The following TRPM1 variants were observed in gnomAD, a reference collection of about 807,000 sequenced individuals.
TRPM1 encodes transient receptor potential cation channel subfamily M member 1, also known as TRPM1-203 APA Isoform, Intron 10.
Under a neutral mutation model 149.4 loss-of-function variants are expected in TRPM1, and 113 were observed. That is an observed-to-expected ratio of 0.76 (90% CI 0.65 to 0.88). TRPM1 has a LOEUF of 0.88. Ranked by LOEUF, TRPM1 falls within the 40% of genes least tolerant of loss-of-function variation. TRPM1 has a pLI of 0.00. For synonymous variants in TRPM1, 741 were observed against 759.5 expected (o/e 0.98, Z 0.40); for missense variants, 1,976 against 2,038.7 (o/e 0.97, Z 0.59).
chr15:31,003,036 T>C lies in TRPM1; in HGVS notation c.3664A>G (p.Asn1222Asp). 1 of 1,599,882 alleles carries C rather than the reference T, an allele frequency of 6.3e-7. No homozygotes were observed. The highest frequency in any genetic ancestry group is 8.5e-7 in the Non-Finnish European group (1 of 1,176,126). The change falls in exon 28 of 28, where the codon AAT becomes GAT. Residue 1222 changes from asparagine (N) to aspartate (D), a missense_variant. By Grantham distance (23) the Asn-to-Asp change is conservative (BLOSUM62 1). Around this residue, in one of 3 missense-constraint regions of TRPM1, gnomAD observed 572 missense variants for 578.9 expected, o/e 0.99. Transcript: ENST00000256552. ...ENMSMRLEEI[N>D]ERETFMKTSL... ...GTTTTCATAAAAGTTTCTCTTTCAT[T>C]GATTTCTTCCAACCTCATTGACATA...
At chr15:31,092,040 A>G (rs1487052503) in intron 1 of TRPM1, among the ~76,000 whole-genome samples, 1 of 148,000 alleles carries the variant, frequency 6.8e-6, no homozygotes, top group East Asian at 2.1e-4. Flanking sequence ...CCAAGCCCCC[A>G]TAAAGTGGTC....
Position 31,049,409 on chromosome 15 carries a change from A to G in TRPM1, c.1538T>C (p.Leu513Pro), listed in dbSNP as rs1269575643. Residue 513 changes from leucine to proline, a missense_variant, in exon 13 of 28, where the codon CTG becomes CCG. Coordinates refer to ENST00000256552, the MANE Select transcript of TRPM1 (RefSeq NM_001252024.2). ...AAGCTCCTCCAGCCTCGGAATGGTC[A>G]GAAAGTGTTGCATGTTCACTCCGTT... ...IENGVNMQHF[L>P]TIPRLEELYN... 3 of 1,614,104 alleles carry G rather than the reference A, an allele frequency of 1.9e-6. No individual in the cohort carries two copies. In the African/African-American group the frequency reaches 4.0e-5, roughly 22 times the overall value.
At chr15:31,140,551 C>T (rs879556120) in intron 1 of TRPM1, among the ~76,000 whole-genome samples, 13 of 152,134 alleles carry the variant, frequency 8.5e-5, no homozygotes, top group Middle Eastern at 3.2e-3. Context: ...AGTTCCCTCA[C>T]GAGTTGGTTG....
intron 7 of TRPM1, among the ~76,000 whole-genome samples, chr15:31,065,505 G>A (rs1211622884): frequency 1.3e-5 from 2 of 152,238 alleles, no homozygotes; most frequent in East Asian, 1.9e-4. Flanking sequence ...GTTTCTTCTG[G>A]TTGAGGTTTG....
Position 31,145,635 on chromosome 15 carries a change from A to T in TRPM1, c.54+15271T>A, listed in dbSNP as rs1376358909. On this transcript the variant is annotated intron_variant, in intron 1 of 26. Coordinates refer to the TRPM1 transcript ENST00000542188. ...CTACTCCTGGGAAGCTAGATGTTAGAATTGCTATGTAACAACGGAACAGGG... is the reference window on the plus strand; with the variant it reads ...CTACTCCTGGGAAGCTAGATGTTAGTATTGCTATGTAACAACGGAACAGGG... Among the ~76,000 whole-genome samples, 29 of 152,204 alleles carry T rather than the reference A, an allele frequency of 1.9e-4. 1 individual carries two copies. Among genetic ancestry groups the T allele is most frequent in the Non-Finnish European group, 7.3e-5 (5 of 68,030 alleles).
Position 31,035,532 on chromosome 15 carries a change from T to G in TRPM1, c.2700+14A>C, listed in dbSNP as rs754250835. ...AGCGGTTAGTGGGCTGGGGGAGGCC[T>G]TTGGAGTAGCCACCTCTCGTATCTT... On this transcript the variant is annotated intron_variant, in intron 21 of 27. Transcript: ENST00000256552. The G allele has an allele frequency of 1.9e-6, 3 of 1,613,916 alleles. No individual in the cohort carries two copies. Among genetic ancestry groups the G allele is most frequent in the Admixed American group, 1.7e-5 (1 of 59,988 alleles).
chr15:31,015,477 C>G (rs1329158406), intron 27 of TRPM1, among the ~76,000 whole-genome samples: 5 of 151,556 alleles, frequency 3.3e-5, no homozygotes, highest in Non-Finnish European at 7.4e-5. Flanking sequence ...GTACCCCAAG[C>G]TGATAAAGCA....
Position 31,042,092 on chromosome 15 carries a change from A to G in TRPM1, c.1946T>C (p.Met649Thr). The G allele has an allele frequency of 6.2e-7, 1 of 1,614,052 alleles. No homozygotes were observed. The highest frequency in any genetic ancestry group is 1.7e-5 in the Admixed American group (1 of 60,018). ...CCCTCGCTGCCAGAGGAACACTGCCATTTTCTGGCGTTTCATCAGCACTGC... is the reference window on the plus strand; with the variant it reads ...CCCTCGCTGCCAGAGGAACACTGCCGTTTTCTGGCGTTTCATCAGCACTGC... ...VWAVLMKRQK[M>T]AVFLWQRGEE... is the part of the protein sequence containing the mutation. Residue 649 changes from methionine to threonine, a missense_variant, in exon 17 of 28, where the codon ATG (methionine) becomes ACG (threonine). Met to Thr is a moderately conservative substitution (Grantham distance 81). Transcript: ENST00000256552.
At chr15:31,027,855 T>G (rs547426499) in intron 25 of TRPM1, among the ~76,000 whole-genome samples, 3 of 152,346 alleles carry the variant, frequency 2.0e-5, no homozygotes, top group African/African-American at 7.2e-5. Flanking sequence ...TAGGCAGGTT[T>G]TATAAGAAAC....
chr15:31,072,492 A>T (rs894604740), intron 3 of TRPM1, among the ~76,000 whole-genome samples: 1 of 152,134 alleles, frequency 6.6e-6, no homozygotes, highest in Non-Finnish European at 1.5e-5. Context: ...TATTTATGTA[A>T]CAAGTTTTTG....
intron 1 of TRPM1, among the ~76,000 whole-genome samples, chr15:31,088,505 C>T (rs922566070): frequency 5.9e-5 from 9 of 152,276 alleles, no homozygotes; most frequent in Non-Finnish European, 8.8e-5. Context: ...CCTGGAAAGA[C>T]GAGCAACTCT....
chr15:31,017,440 C>T (rs757142440), intron 27 of TRPM1, among the ~76,000 whole-genome samples: 4 of 152,196 alleles, frequency 2.6e-5, no homozygotes, highest in Non-Finnish European at 4.4e-5. Context: ...TGGCCAGTGT[C>T]AGTGTTCCCT....
intron 1 of TRPM1, among the ~76,000 whole-genome samples, chr15:31,135,411 T>TAAAA (rs1164424563): frequency 1.3e-5 from 2 of 152,026 alleles, no homozygotes; most frequent in South Asian, 4.1e-4. Flanking sequence ...ACTTGTCAAT[T>TAAAA]AAAAAAATTA....
intron 22 of TRPM1, among the ~76,000 whole-genome samples, chr15:31,032,012 T>G (rs1327635242): frequency 2.4e-5 from 3 of 127,644 alleles, no homozygotes; most frequent in Admixed American, 9.0e-5. Flanking sequence ...CGGGGTTTTT[T>G]TTTTTTTTTT....
At position 31,035,470 on chromosome 15, in the gene TRPM1, G is replaced by A. The variant is rs1001460346; in HGVS notation, c.2700+76C>T. ...CCAACATGCATAATTTGCATGAAAC[G>A]TTTTTTCAGTAAGGAGCCATATCTG... On this transcript the variant is annotated intron_variant, in intron 21 of 27. Transcript: ENST00000256552. 6 of 1,603,566 alleles carry A rather than the reference G, an allele frequency of 3.7e-6. No homozygotes were observed. In the African/African-American group the frequency reaches 4.0e-5, roughly 11 times the overall value.
At chr15:31,142,013 G>A (rs772880523) in intron 1 of TRPM1, among the ~76,000 whole-genome samples, 4 of 152,048 alleles carry the variant, frequency 2.6e-5, no homozygotes, top group Non-Finnish European at 4.4e-5. Flanking sequence ...TTGAGCCCAG[G>A]GGTTCAAGAC....
intron 27 of TRPM1, among the ~76,000 whole-genome samples, chr15:31,007,527 C>T (rs2141107115): frequency 6.6e-6 from 1 of 152,214 alleles, no homozygotes; most frequent in African/African-American, 2.4e-5. Context: ...CATAGCTGGG[C>T]ACAGTGGCTC....
intron 1 of TRPM1, among the ~76,000 whole-genome samples, chr15:31,157,760 G>A (rs778832079): frequency 1.1e-4 from 16 of 152,136 alleles, no homozygotes; most frequent in Non-Finnish European, 1.6e-4. Context: ...AAGACCAAGG[G>A]AAGAGCTTCA....
intron 11 of TRPM1, 70 bp downstream of exon 11, chr15:31,060,474 G>T: frequency 1.6e-6 from 2 of 1,287,912 alleles, no homozygotes; most frequent in Non-Finnish European, 1.1e-6. Flanking sequence ...TGTCACAAGG[G>T]AGAACATACT....
Sources: allele counts gnomAD v4.1 joint callset (sites outside exome capture counted in the v4.1 genomes callset), GRCh38; gene constraint gnomAD v4.1.1; regional missense constraint gnomAD v4.1.1; transcripts MANE v1.5; gene names NCBI Gene and HGNC (gene_info 2026-07-23, HGNC 2026-07-21).